The following DPP10 variants were observed in gnomAD, a reference collection of about 807,000 sequenced individuals.
The protein encoded by DPP10 is dipeptidyl peptidase like 10.
A neutral mutation model predicts 120.9 loss-of-function variants in DPP10; 33 were observed. The ratio of observed to expected loss-of-function variants is 0.27; its 90% CI spans 0.21 to 0.37. The LOEUF (loss-of-function observed/expected upper bound fraction) is 0.37, where lower values mean the gene tolerates loss of function less well. DPP10 is among the 10% of genes least tolerant of loss of function. DPP10 has a pLI of 1.00. For missense variants in DPP10, 816 were observed against 942.8 expected, an observed-to-expected ratio of 0.87 and a Z score of 1.76; for synonymous variants, 337 against 326.1, an observed-to-expected ratio of 1.03 and a Z score of -0.36.
At chr2:114,677,783 G>T (rs767057184) in intron 1 of DPP10, among the ~76,000 whole-genome samples, 21 of 152,114 alleles carry the variant, frequency 1.4e-4, no homozygotes, top group African/African-American at 2.2e-4. Context: ...TAAAATAGAT[G>T]TTTTTATTTT....
chr2:114,739,914 T>C (rs1284507320), intron 1 of DPP10, among the ~76,000 whole-genome samples: 2 of 152,108 alleles, frequency 1.3e-5, no homozygotes, highest in African/African-American at 4.8e-5. Context: ...CACCAGGTCA[T>C]TCATTCATCA....
At chr2:115,147,609 CA>C (rs1167529648) in intron 1 of DPP10, among the ~76,000 whole-genome samples, 1 of 151,874 alleles carries the variant, frequency 6.6e-6, no homozygotes, top group Non-Finnish European at 1.5e-5. Flanking sequence ...TTCTCAAAAA[CA>C]AAAGGAAATT....
intron 1 of DPP10, among the ~76,000 whole-genome samples, chr2:114,522,842 C>T (rs866064195): frequency 3.9e-5 from 6 of 152,138 alleles, no homozygotes; most frequent in Non-Finnish European, 5.9e-5. Flanking sequence ...AGAGAGAGAA[C>T]TTGTGCAGGG....
In DPP10 at chr2:115,732,290, A is replaced by G. The variant is rs142290228; in HGVS notation, c.697+4354A>G. Among the ~76,000 whole-genome samples the G allele has an allele frequency of 1.0e-3, 156 of 152,318 alleles. 1 individual carries two copies. The highest frequency in any genetic ancestry group is 3.6e-3 in the African/African-American group (151 of 41,572). Reference sequence around the variant, plus strand: ...ATAAAATATTTTTACAGTAAGCTTTACAGGCATGTCTTAATCTTTTAAGAC... The same window carrying G: ...ATAAAATATTTTTACAGTAAGCTTTGCAGGCATGTCTTAATCTTTTAAGAC... On this transcript the variant is annotated intron_variant, in intron 8 of 25. Coordinates refer to ENST00000410059, the MANE Select transcript of DPP10 (RefSeq NM_020868.6).
In DPP10 at chr2:115,252,506, A is replaced by G. The variant is rs372778813; in HGVS notation, c.61-56733A>G. ...ACCCTAGTTTAACTCAGATATACCA[A>G]TGCCTCATTATGTTTGTTAACTCTA... On this transcript the variant is annotated intron_variant, in intron 1 of 25. Coordinates refer to ENST00000410059, the MANE Select transcript of DPP10 (RefSeq NM_020868.6). Among the ~76,000 whole-genome samples, 32 of 152,278 alleles carry G rather than the reference A, an allele frequency of 2.1e-4. No individual in the cohort carries two copies. In the East Asian group the frequency reaches 3.5e-3, roughly 17 times the overall value.
At chr2:115,117,440 T>C (rs1228487818) in intron 1 of DPP10, among the ~76,000 whole-genome samples, 1 of 152,130 alleles carries the variant, frequency 6.6e-6, no homozygotes, top group Non-Finnish European at 1.5e-5. Flanking sequence ...CTAGTATTTA[T>C]ACTTCAAAAT....
At chr2:115,315,714 G>A (rs2061761420) in intron 2 of DPP10, among the ~76,000 whole-genome samples, 1 of 152,094 alleles carries the variant, frequency 6.6e-6, no homozygotes, top group Non-Finnish European at 1.5e-5. Flanking sequence ...GATAGGCATA[G>A]TCTAATGTGT....
chr2:115,258,289 A>G (rs2059095347), intron 1 of DPP10, among the ~76,000 whole-genome samples: 1 of 152,132 alleles, frequency 6.6e-6, no homozygotes, highest in Admixed American at 6.5e-5. Context: ...TTGAACGTTT[A>G]ATGTGTGTCA....
At chr2:115,830,731 A>C (rs1688834807) in intron 21 of DPP10, among the ~76,000 whole-genome samples, 1 of 152,190 alleles carries the variant, frequency 6.6e-6, no homozygotes, top group Non-Finnish European at 1.5e-5. Flanking sequence ...GCCAATTTAG[A>C]TTGGAGGTAA....
chr2:115,179,024 T>G (rs1405272444), intron 1 of DPP10, among the ~76,000 whole-genome samples: 1 of 152,164 alleles, frequency 6.6e-6, no homozygotes, highest in African/African-American at 2.4e-5. Context: ...TCTTAACAAA[T>G]TAAAAGTAGA....
chr2:115,833,152 AAAAC>A (rs1280153643), intron 21 of DPP10, among the ~76,000 whole-genome samples: 1 of 152,224 alleles, frequency 6.6e-6, no homozygotes, highest in Non-Finnish European at 1.5e-5. Flanking sequence ...TAAATAAAAT[AAAAC>A]AAACCAACAA....
intron 1 of DPP10, among the ~76,000 whole-genome samples, chr2:114,781,886 C>G (rs79640941): frequency 2.6e-5 from 4 of 152,222 alleles, no homozygotes; most frequent in Non-Finnish European, 4.4e-5. Flanking sequence ...TCACATGCAT[C>G]TTCTAAATTT....
chr2:115,278,550 T>C (rs2060010876), intron 1 of DPP10, among the ~76,000 whole-genome samples: 1 of 152,096 alleles, frequency 6.6e-6, no homozygotes, highest in Admixed American at 6.5e-5. Flanking sequence ...TGCCAACATC[T>C]GCTTGGCTTC....
chr2:115,739,903 A>G lies in DPP10; in HGVS notation c.852+10A>G, dbSNP rs1550854. 0.99 allele frequency: 1,601,613 copies of G among 1,612,536 alleles called. 796,002 individuals are homozygous for G. The highest frequency in any genetic ancestry group is 1 in the East Asian group (44,810 of 44,812). On this transcript the variant is annotated intron_variant, in intron 9 of 25. Transcript: ENST00000410059. ...GTATCCGTATCCTAAGGTAAGTAACATGGAAGTACTATTTTGTTCCTTCTC... is the reference window on the plus strand; with the variant it reads ...GTATCCGTATCCTAAGGTAAGTAACGTGGAAGTACTATTTTGTTCCTTCTC...
intron 1 of DPP10, among the ~76,000 whole-genome samples, chr2:114,775,815 G>A (rs1201778632): frequency 1.3e-5 from 2 of 152,132 alleles, no homozygotes; most frequent in East Asian, 3.9e-4. Flanking sequence ...TATATCTTGA[G>A]TATCTCCAAT....
At chr2:114,833,475 A>G (rs888477400) in intron 1 of DPP10, 30 of 152,294 alleles carry the variant, frequency 2.0e-4, no homozygotes, top group African/African-American at 7.0e-4. Flanking sequence ...GACCAAAAAT[A>G]AATAAATAAA....
chr2:115,458,587 C>T (rs1312727566), intron 3 of DPP10, among the ~76,000 whole-genome samples: 3 of 151,994 alleles, frequency 2.0e-5, no homozygotes, highest in Non-Finnish European at 1.5e-5. Context: ...CATTCTTTTA[C>T]CTGATATGTT....
At chr2:114,854,805 G>GA (rs528008432) in intron 1 of DPP10, among the ~76,000 whole-genome samples, 1 of 152,236 alleles carries the variant, frequency 6.6e-6, no homozygotes, top group East Asian at 1.9e-4. Flanking sequence ...ATTTGTTATT[G>GA]AAAATGAATC....
At chr2:114,470,551 G>A (rs1464075004) in intron 1 of DPP10, among the ~76,000 whole-genome samples, 3 of 152,160 alleles carry the variant, frequency 2.0e-5, no homozygotes, top group Admixed American at 2.0e-4. Flanking sequence ...TTGGGGATTG[G>A]AGATGAGAAG....
Sources: gnomAD v4.1 joint callset for allele counts (sites outside exome capture counted in the v4.1 genomes callset) on GRCh38, gnomAD v4.1.1 for gene constraint, MANE v1.5 for transcripts, NCBI Gene and HGNC (gene_info 2026-07-23, HGNC 2026-07-21) for gene names.